Variants in GPR158 observed in about 807,000 individuals in gnomAD.
GPR158 encodes the protein metabotropic glycine receptor.
A neutral mutation model predicts 78.2 loss-of-function variants in GPR158; 30 were observed. That is an observed-to-expected ratio of 0.38 (90% CI 0.29 to 0.52). The LOEUF is 0.52. Ranked by LOEUF, GPR158 falls within the 20% of genes least tolerant of loss-of-function variation. The pLI is 0.83. For missense variants in GPR158, 1,463 were observed against 1,523.5 expected, an observed-to-expected ratio of 0.96 and a Z score of 0.66; for synonymous variants, 581 against 591.1, an observed-to-expected ratio of 0.98 and a Z score of 0.25.
chr10:25,328,823 C>A lies in GPR158; in HGVS notation c.1009-67088C>A, dbSNP rs532668032. On this transcript the variant is annotated intron_variant, in intron 2 of 10. Coordinates refer to ENST00000376351, the MANE Select transcript of GPR158 (RefSeq NM_020752.3). ...ACACCTGTAATCCCAGATGATTGGG[C>A]AGCTGAGGCAGGAGAATTGATTGAA... Among the ~76,000 whole-genome samples the A allele has an allele frequency of 3.4e-3, 503 of 147,812 alleles. 3 individuals are homozygous for A. The highest frequency in any genetic ancestry group is 0.012 in the African/African-American group (464 of 39,616).
At chr10:25,334,264 C>T (rs1855167327) in intron 2 of GPR158, among the ~76,000 whole-genome samples, 1 of 152,042 alleles carries the variant, frequency 6.6e-6, no homozygotes, top group African/African-American at 2.4e-5. Context: ...TTAAACTATT[C>T]ACTTTGTAGC....
intron 6 of GPR158, among the ~76,000 whole-genome samples, chr10:25,551,522 C>T (rs1312702100): frequency 6.6e-6 from 1 of 152,164 alleles, no homozygotes; most frequent in African/African-American, 2.4e-5. Flanking sequence ...TGCTGATATT[C>T]GATGGGTAAA....
chr10:25,305,833 G>A (rs187798203), intron 2 of GPR158, among the ~76,000 whole-genome samples: 94 of 152,318 alleles, frequency 6.2e-4, no homozygotes, highest in African/African-American at 2.2e-3. Flanking sequence ...AGAGGTAGAA[G>A]TAGAGGCAAA....
chr10:25,227,361 T>C (rs1183485060), intron 2 of GPR158, among the ~76,000 whole-genome samples: 2 of 152,216 alleles, frequency 1.3e-5, no homozygotes, highest in African/African-American at 2.4e-5. Flanking sequence ...TGTCTAGACA[T>C]CTCTTTTACT....
At chr10:25,420,207 T>A (rs1314776875) in intron 4 of GPR158, among the ~76,000 whole-genome samples, 1 of 152,170 alleles carries the variant, frequency 6.6e-6, no homozygotes, top group Non-Finnish European at 1.5e-5. Flanking sequence ...TATAATGCAG[T>A]GGTATGATCA....
At chr10:25,307,363 G>A (rs7912200) in intron 2 of GPR158, among the ~76,000 whole-genome samples, 29,603 of 140,816 alleles carry the variant, frequency 0.21, 5,095 homozygotes, top group African/African-American at 0.48. Flanking sequence ...CCATACTCTC[G>A]TGTATTTTAA....
At chr10:25,264,182 G>A (rs946000503) in intron 2 of GPR158, among the ~76,000 whole-genome samples, 17 of 152,052 alleles carry the variant, frequency 1.1e-4, no homozygotes, top group Non-Finnish European at 2.1e-4. Context: ...TCCTTTGTAC[G>A]TTGAATCTGC....
chr10:25,230,503 A>G (rs972452220), intron 2 of GPR158, among the ~76,000 whole-genome samples: 4 of 152,220 alleles, frequency 2.6e-5, no homozygotes, highest in Non-Finnish European at 4.4e-5. Context: ...GAAAATTTGT[A>G]TTACGAAGGA....
intron 2 of GPR158, among the ~76,000 whole-genome samples, chr10:25,221,620 C>T (rs796493919): frequency 1.1e-4 from 17 of 152,238 alleles, no homozygotes; most frequent in African/African-American, 3.9e-4. Context: ...GTACAGGGTC[C>T]TGGAAAGGAA....
chr10:25,256,139 G>A (rs1237153524), intron 2 of GPR158, among the ~76,000 whole-genome samples: 2 of 151,358 alleles, frequency 1.3e-5, no homozygotes, highest in Admixed American at 6.6e-5. Context: ...TTATCTGGTG[G>A]CACTTGCCAT....
At chr10:25,327,978 G>T (rs923963466) in intron 2 of GPR158, among the ~76,000 whole-genome samples, 1 of 152,130 alleles carries the variant, frequency 6.6e-6, no homozygotes, top group Non-Finnish European at 1.5e-5. Flanking sequence ...TGGTTTGGTA[G>T]CTAGGGAAGC....
intron 4 of GPR158, among the ~76,000 whole-genome samples, chr10:25,419,838 C>T (rs996151586): frequency 6.6e-6 from 1 of 152,014 alleles, no homozygotes; most frequent in African/African-American, 2.4e-5. Context: ...GTCTTTTGCC[C>T]ATTTTATTTT....
At chr10:25,543,913 A>G (rs1159310388) in intron 5 of GPR158, among the ~76,000 whole-genome samples, 3 of 152,174 alleles carry the variant, frequency 2.0e-5, no homozygotes, top group Non-Finnish European at 4.4e-5. Context: ...AGGTACATCT[A>G]CCTTAGGTCT....
intron 4 of GPR158, among the ~76,000 whole-genome samples, chr10:25,427,478 A>G (rs1385479052): frequency 6.6e-6 from 1 of 152,082 alleles, no homozygotes; most frequent in Non-Finnish European, 1.5e-5. Context: ...GGACCATAAT[A>G]GTTTCTTTCA....
At chr10:25,454,760 T>C (rs957102920) in intron 4 of GPR158, among the ~76,000 whole-genome samples, 2 of 152,212 alleles carry the variant, frequency 1.3e-5, no homozygotes, top group Admixed American at 6.6e-5. Context: ...TTCTCCCATT[T>C]TCCTTCTCTT....
At chr10:25,431,461 G>A (rs1277579769) in intron 4 of GPR158, among the ~76,000 whole-genome samples, 3 of 142,038 alleles carry the variant, frequency 2.1e-5, no homozygotes, top group African/African-American at 5.2e-5. Context: ...CGATTCCTCA[G>A]GGATCTAGAG....
intron 1 of GPR158, among the ~76,000 whole-genome samples, chr10:25,188,824 A>G (rs1402830913): frequency 6.6e-6 from 1 of 152,230 alleles, no homozygotes; most frequent in African/African-American, 2.4e-5. Context: ...AGCAAAAGAA[A>G]CTACCATCAG....
At chr10:25,185,045 A>C (rs1852662461) in intron 1 of GPR158, among the ~76,000 whole-genome samples, 5 of 152,220 alleles carry the variant, frequency 3.3e-5, no homozygotes, top group Admixed American at 3.3e-4. Context: ...ATTAGATGCC[A>C]GTGGCAACAC....
At chr10:25,533,340 A>G (rs1157945070) in intron 5 of GPR158, among the ~76,000 whole-genome samples, 2 of 152,196 alleles carry the variant, frequency 1.3e-5, no homozygotes, top group Non-Finnish European at 2.9e-5. Context: ...AAAATCATTC[A>G]GTCTCTGCCC....
Sources: gnomAD v4.1 joint callset for allele counts (sites outside exome capture counted in the v4.1 genomes callset) on GRCh38, gnomAD v4.1.1 for gene constraint, MANE v1.5 for transcripts, NCBI Gene and HGNC (gene_info 2026-07-23, HGNC 2026-07-21) for gene names.